GDPD5: variants seen among roughly 807,000 people sequenced by gnomAD.
The protein encoded by GDPD5 is glycerophosphodiester phosphodiesterase domain containing 5.
In GDPD5, 48 loss-of-function variants were observed where a neutral mutation model predicts 75.1. The ratio of observed to expected loss-of-function variants is 0.64; its 90% confidence interval spans 0.51 to 0.81. The LOEUF is 0.81. Among genes scored for constraint, GDPD5 ranks in the 40% least tolerant of loss-of-function variants. The pLI, the probability that GDPD5 is intolerant of heterozygous loss-of-function variation, is 0.00. For synonymous variants in GDPD5, 336 were observed against 339.0 expected (o/e 0.99, Z 0.10); for missense variants, 706 against 822.6 (o/e 0.86, Z 1.73).
At chr11:75,487,477 C>A (rs556912124) in intron 2 of GDPD5, among the ~76,000 whole-genome samples, 101 of 152,358 alleles carry the variant, frequency 6.6e-4, no homozygotes, top group African/African-American at 2.3e-3. Flanking sequence ...CCAGGCCCTG[C>A]AAGCCTCCTC....
chr11:75,467,582 G>C (rs1265073790), intron 3 of GDPD5, among the ~76,000 whole-genome samples: 2 of 152,144 alleles, frequency 1.3e-5, no homozygotes, highest in Non-Finnish European at 2.9e-5. Flanking sequence ...TGAGGGAGCA[G>C]CTGGCTCCTG....
chr11:75,475,343 CCGT>C (rs1273854310), intron 3 of GDPD5, among the ~76,000 whole-genome samples: 1 of 152,134 alleles, frequency 6.6e-6, no homozygotes, highest in Non-Finnish European at 1.5e-5. Flanking sequence ...ACTGGAAGAG[CCGT>C]CTCCACCACC....
At chr11:75,520,213 A>G (rs1950728294) in intron 1 of GDPD5, among the ~76,000 whole-genome samples, 1 of 152,220 alleles carries the variant, frequency 6.6e-6, no homozygotes, top group South Asian at 2.1e-4. Context: ...CTCTTCCATC[A>G]GCTTCTTACT....
intron 9 of GDPD5, among the ~76,000 whole-genome samples, chr11:75,448,026 A>G (rs909177359): frequency 1.3e-5 from 2 of 152,088 alleles, no homozygotes; most frequent in Non-Finnish European, 2.9e-5. Context: ...AGACTTCCAG[A>G]GTGAGTGGCA....
intron 1 of GDPD5, among the ~76,000 whole-genome samples, chr11:75,497,475 C>T (rs1592139994): frequency 6.6e-6 from 1 of 152,292 alleles, no homozygotes; most frequent in East Asian, 1.9e-4. Flanking sequence ...TCCCTGCCTG[C>T]CTCCTGGACA....
chr11:75,439,423 C>T (rs922383521), intron 15 of GDPD5: 1 of 447,886 alleles, frequency 2.2e-6, no homozygotes, highest in Admixed American at 2.4e-5. Flanking sequence ...CCGATCAGAG[C>T]AGGATGGGAC....
intron 2 of GDPD5, among the ~76,000 whole-genome samples, chr11:75,480,697 G>A (rs1000847928): frequency 1.3e-5 from 2 of 152,114 alleles, no homozygotes; most frequent in Non-Finnish European, 2.9e-5. Context: ...ACCCACGCAG[G>A]TTGGCTCCAG....
At chr11:75,518,773 G>A (rs1161499675) in intron 1 of GDPD5, among the ~76,000 whole-genome samples, 1 of 152,124 alleles carries the variant, frequency 6.6e-6, no homozygotes, top group Non-Finnish European at 1.5e-5. Context: ...CTGCCCCTGG[G>A]GTGAGCTTCT....
At chr11:75,454,064 G>A (rs1237631404) in intron 6 of GDPD5, among the ~76,000 whole-genome samples, 1 of 152,112 alleles carries the variant, frequency 6.6e-6, no homozygotes, top group Non-Finnish European at 1.5e-5. Context: ...TGGTAAAAAC[G>A]CAATGAGCAA....
At chr11:75,493,102 A>G (rs139600941) in intron 1 of GDPD5, among the ~76,000 whole-genome samples, 17 of 152,300 alleles carry the variant, frequency 1.1e-4, no homozygotes, top group African/African-American at 4.1e-4. Flanking sequence ...ACCTAGATAT[A>G]AAACTCTAGC....
chr11:75,473,161 G>A (rs1043900478), intron 3 of GDPD5, among the ~76,000 whole-genome samples: 6 of 152,028 alleles, frequency 3.9e-5, no homozygotes, highest in South Asian at 2.1e-4. Context: ...TCCCTACACC[G>A]AGTGTCTTCC....
At chr11:75,445,974 G>A (rs1948976656) in intron 9 of GDPD5, among the ~76,000 whole-genome samples, 2 of 152,228 alleles carry the variant, frequency 1.3e-5, no homozygotes, top group African/African-American at 2.4e-5. Context: ...AGCACTCTTG[G>A]AGGACATGTT....
intron 1 of GDPD5, among the ~76,000 whole-genome samples, chr11:75,500,175 C>T (rs1950281282): frequency 6.6e-6 from 1 of 152,108 alleles, no homozygotes; most frequent in South Asian, 2.1e-4. Flanking sequence ...CACCCTCCCT[C>T]CTCCCTCTGG....
intron 2 of GDPD5, among the ~76,000 whole-genome samples, chr11:75,478,235 T>C (rs1949822289): frequency 1.3e-5 from 2 of 152,172 alleles, no homozygotes; most frequent in Admixed American, 1.3e-4. Context: ...CTGCAACCTC[T>C]GCCTCCTGGG....
Position 75,477,625 on chromosome 11 carries a change from G to A in GDPD5, c.111C>T (p.Thr37=), listed in dbSNP as rs754219824. Residue 37 remains threonine, a synonymous_variant, in exon 3 of 17, where the codon ACC becomes ACT. Transcript: ENST00000336898. Reference sequence around the variant, plus strand: ...CTGTTCCAGGGTGGCTCACCGGTGTGGTATCATCATGGGAGCGCTGGTAGC... The same window carrying A: ...CTGTTCCAGGGTGGCTCACCGGTGTAGTATCATCATGGGAGCGCTGGTAGC... ...WKRYQRSHDD[T]TPWERLWFLL... 6.3e-7 allele frequency: 1 copy of A among 1,580,246 alleles called. No individual in the cohort carries two copies. The highest frequency in any genetic ancestry group is 1.1e-5 in the South Asian group (1 of 88,050).
intron 1 of GDPD5, among the ~76,000 whole-genome samples, chr11:75,498,462 G>A (rs1197246893): frequency 6.6e-6 from 1 of 151,734 alleles, no homozygotes; most frequent in African/African-American, 2.4e-5. Flanking sequence ...GTGCCTCCAT[G>A]GCCTTGAACT....
At chr11:75,467,688 G>A (rs1025840455) in intron 3 of GDPD5, among the ~76,000 whole-genome samples, 2 of 152,100 alleles carry the variant, frequency 1.3e-5, no homozygotes, top group East Asian at 3.9e-4. Flanking sequence ...TGTGGATGGG[G>A]TAGGATGCTG....
chr11:75,511,867 G>A (rs1950525738), intron 1 of GDPD5, among the ~76,000 whole-genome samples: 2 of 152,226 alleles, frequency 1.3e-5, no homozygotes, highest in South Asian at 2.1e-4. Context: ...GCTGGCCATT[G>A]GGCGGGGGGA....
Position 75,481,398 on chromosome 11 carries a change from C to G in GDPD5, c.-60-3603G>C, listed in dbSNP as rs371528397. 6.6e-5 allele frequency among the ~76,000 whole-genome samples: 10 copies of G among 152,320 alleles called. No homozygotes were observed. In the East Asian group the frequency reaches 1.5e-3, roughly 24 times the overall value. On this transcript the variant is annotated intron_variant, in intron 2 of 16. Coordinates refer to ENST00000336898, the MANE Select transcript of GDPD5 (RefSeq NM_030792.8). The stretch of plus-strand genomic sequence containing the variant: ...ATGCATTAGGGGCTTGCTGGGAATA[C>G]TGAATGACCCAGAGTCTCCTGAGTG...
Sources: allele counts gnomAD v4.1 joint callset (sites outside exome capture counted in the v4.1 genomes callset), GRCh38; gene constraint gnomAD v4.1.1; transcripts MANE v1.5; gene names NCBI Gene and HGNC (gene_info 2026-07-23, HGNC 2026-07-21).